ADGRG2: variants seen among roughly 807,000 people sequenced by gnomAD.
The protein encoded by ADGRG2 is G protein-coupled receptor 64.
In ADGRG2, 26 loss-of-function variants were observed where a neutral mutation model predicts 74.1. That is an observed-to-expected ratio of 0.35 (90% CI 0.26 to 0.49). ADGRG2 has a LOEUF of 0.49. Ranked by LOEUF, ADGRG2 falls within the 20% of genes least tolerant of loss-of-function variation. ADGRG2 has a pLI of 0.99. For missense variants in ADGRG2, 619 were observed against 763.1 expected (o/e 0.81, Z 2.22); for synonymous variants, 296 against 295.2 (o/e 1.00, Z -0.03).
intron 3 of ADGRG2, among the ~76,000 whole-genome samples, chrX:19,058,854 CTATT>C (rs1369323964): frequency 8.9e-6 from 1 of 112,344 alleles, no homozygotes; most frequent in Non-Finnish European, 1.9e-5. Context: ...CTAAGGAATG[CTATT>C]AAGGTGCATT....
chrX:19,045,808 G>A (rs1467383422), intron 3 of ADGRG2, among the ~76,000 whole-genome samples: 1 of 111,205 alleles, frequency 9.0e-6, no homozygotes, highest in East Asian at 2.8e-4. Context: ...TCCACCAATT[G>A]TACACCCACA....
intron 3 of ADGRG2, among the ~76,000 whole-genome samples, chrX:19,064,812 G>A (rs888477418): frequency 8.9e-6 from 1 of 111,890 alleles, no homozygotes. Flanking sequence ...TTATTTGACC[G>A]AAGGCAAGTT....
chrX:19,021,082 G>A (rs1601910830), intron 14 of ADGRG2, 22 bp downstream of exon 14: 1 of 733,906 alleles, frequency 1.4e-6, no homozygotes, highest in South Asian at 2.2e-5. Flanking sequence ...GAAGATTAAT[G>A]CAGCAATAAT....
intron 1 of ADGRG2, among the ~76,000 whole-genome samples, chrX:19,121,790 T>A (rs1337378448): frequency 9.1e-6 from 1 of 110,365 alleles, no homozygotes; most frequent in Non-Finnish European, 1.9e-5. Context: ...TCTCGGGAGG[T>A]CAGCTCTCTT....
chrX:19,020,977 G>T, intron 14 of ADGRG2, 127 bp downstream of exon 14: 1 of 472,493 alleles, frequency 2.1e-6, no homozygotes, highest in South Asian at 2.9e-5. Context: ...GAGAGAAATT[G>T]CCCAAGGACA....
At chrX:19,099,644 CCTAT>C (rs1259364400) in intron 1 of ADGRG2, among the ~76,000 whole-genome samples, 9 of 112,189 alleles carry the variant, frequency 8.0e-5, no homozygotes, top group African/African-American at 1.6e-4. Flanking sequence ...CACGTGATTG[CCTAT>C]CTGTGTTTCA....
At position 19,028,184 on chromosome X, in the gene ADGRG2, TG is replaced by T; in HGVS notation, c.412del (p.Gln138ArgfsTer5). The T allele has an allele frequency of 9.6e-7, 1 of 1,045,716 alleles. No individual in the cohort carries two copies. The highest frequency in any genetic ancestry group is 1.3e-6 in the Non-Finnish European group (1 of 753,820). 86.2% of individuals were successfully genotyped at this position (1,045,716 alleles called of 1,213,427 possible). A position where few individuals can be genotyped will look rare whatever the true frequency, so the allele number is the denominator to read the frequency against. On this transcript the variant is annotated frameshift_variant and splice_region_variant, in exon 10 of 29. Transcript: ENST00000379869. LOFTEE classifies it high-confidence loss of function. ...GTAAAAAAAATCTTTAAAACTTACC[TG>T]GGGAACAGTGCTTTCTTTATCATAT... ...FQYDKESTVP[Q>X]NQHITNGTLT...
Position 19,029,690 on chromosome X carries a change from GT to G in ADGRG2, c.358+1293del, listed in dbSNP as rs60964427. Among the ~76,000 whole-genome samples the G allele has an allele frequency of 3.4e-3, 343 of 102,150 alleles. 2 individuals are homozygous for G. Among genetic ancestry groups the G allele is most frequent in the African/African-American group, 0.011 (308 of 28,143 alleles). The allele number at this position is 102,150 out of a possible 115,157, so 88.7% of individuals were successfully genotyped here. On this transcript the variant is annotated intron_variant, in intron 9 of 28. Transcript: ENST00000379869. ...TGGCATCTGTTACTCAAGATGACCA[GT>G]TTTTTTTTTTTTAACTACATGTTCA...
chrX:19,121,310 T>C (rs1305054465), intron 1 of ADGRG2, among the ~76,000 whole-genome samples: 1 of 111,738 alleles, frequency 8.9e-6, no homozygotes, highest in African/African-American at 3.3e-5. Context: ...ATCACTCTAT[T>C]GTTCTCTCCC....
intron 1 of ADGRG2, among the ~76,000 whole-genome samples, chrX:19,115,331 C>T (rs2062491715): frequency 9.0e-6 from 1 of 111,365 alleles, no homozygotes; most frequent in African/African-American, 3.3e-5. Flanking sequence ...TCCCTGCCTT[C>T]CTGGAACTTA....
intron 8 of ADGRG2, 23 bp from the exon 9 acceptor site, chrX:19,031,060 C>T: frequency 8.9e-7 from 1 of 1,127,461 alleles, no homozygotes; most frequent in Non-Finnish European, 1.2e-6. Context: ...CACAACCCAG[C>T]TGGTTAAGCA....
At chrX:19,041,659 A>G (rs182062838) in intron 3 of ADGRG2, among the ~76,000 whole-genome samples, 4 of 111,759 alleles carry the variant, frequency 3.6e-5, no homozygotes, top group African/African-American at 1.3e-4. Flanking sequence ...AAGTTCCCCA[A>G]TAACCCTGCA....
In ADGRG2 at chrX:19,020,993, G is replaced by T. The variant is rs2060576853; in HGVS notation, c.643+111C>A. The T allele has an allele frequency of 1.7e-5, 9 of 515,934 alleles. No individual in the cohort carries two copies. The East Asian group carries it at 3.4e-4, about 19-fold the overall frequency. The allele number at this position is 515,934 out of a possible 1,213,427, so 42.5% of individuals were successfully genotyped here. A position where few individuals can be genotyped will look rare whatever the true frequency, so the allele number is the denominator to read the frequency against. Reference sequence around the variant, plus strand: ...AGAGAAATTGCCCAAGGACAAAGGAGTCAAAACAGAAAGCTGTAACATATG... The same window carrying T: ...AGAGAAATTGCCCAAGGACAAAGGATTCAAAACAGAAAGCTGTAACATATG... On this transcript the variant is annotated intron_variant, in intron 14 of 28. Transcript: ENST00000379869.
chrX:19,060,086 C>T lies in ADGRG2; in HGVS notation c.118+8631G>A, dbSNP rs532576442. Reference sequence around the variant, plus strand: ...GGCGGAGGTTGCAGTGATCCGAGATCGCGCCACTGCACTCCAGCCTGGACA... The same window carrying T: ...GGCGGAGGTTGCAGTGATCCGAGATTGCGCCACTGCACTCCAGCCTGGACA... On this transcript the variant is annotated intron_variant, in intron 3 of 28. Coordinates refer to ENST00000379869, the MANE Select transcript of ADGRG2 (RefSeq NM_001079858.3). Among the ~76,000 whole-genome samples the T allele has an allele frequency of 3.2e-4, 36 of 111,728 alleles. 1 individual carries two copies. In the South Asian group the frequency reaches 0.013, roughly 41 times the overall value.
intron 1 of ADGRG2, among the ~76,000 whole-genome samples, chrX:19,120,946 C>A (rs1353754930): frequency 8.9e-6 from 1 of 112,436 alleles, no homozygotes; most frequent in Non-Finnish European, 1.9e-5. Flanking sequence ...GCCAGTAGAG[C>A]TAATGCAAAG....
chrX:19,011,577 C>T (rs377429750), intron 16 of ADGRG2, among the ~76,000 whole-genome samples: 1 of 111,961 alleles, frequency 8.9e-6, no homozygotes, highest in Admixed American at 9.5e-5. Context: ...CGGTGGCTCG[C>T]GCCTGTAATC....
At chrX:18,992,171 C>T (rs2059934222) in intron 28 of ADGRG2, among the ~76,000 whole-genome samples, 1 of 112,455 alleles carries the variant, frequency 8.9e-6, no homozygotes, top group Admixed American at 9.4e-5. Context: ...CCATCTGTGA[C>T]ACAGATCAAA....
chrX:19,059,957 C>A (rs1438247985), intron 3 of ADGRG2, among the ~76,000 whole-genome samples: 1 of 110,902 alleles, frequency 9.0e-6, no homozygotes. Flanking sequence ...CGTGGCAAAA[C>A]CCCGTCTCTA....
intron 3 of ADGRG2, among the ~76,000 whole-genome samples, chrX:19,060,542 C>CTTTTTTT (rs58196298): frequency 2.3e-5 from 2 of 87,096 alleles, no homozygotes; most frequent in Non-Finnish European, 2.3e-5. Context: ...GGCAGGTATT[C>CTTTTTTT]TTTTTTTTTT....
Sources: allele counts gnomAD v4.1 joint callset (sites outside exome capture counted in the v4.1 genomes callset), GRCh38; gene constraint gnomAD v4.1.1; transcripts MANE v1.5; gene names NCBI Gene and HGNC (gene_info 2026-07-23, HGNC 2026-07-21).